Variants in INVS observed in about 807,000 individuals in gnomAD.
The protein encoded by INVS is inversion of embryo turning homolog.
In INVS, 86 loss-of-function variants were observed where a neutral mutation model predicts 108.8. The ratio of observed to expected loss-of-function variants is 0.79; its 90% CI spans 0.66 to 0.95. The LOEUF (loss-of-function observed/expected upper bound fraction) is 0.95, where lower values mean the gene tolerates loss of function less well. INVS is among the 40% of genes least tolerant of loss of function. INVS has a pLI of 0.00. For synonymous variants in INVS, 455 were observed against 473.5 expected, an observed-to-expected ratio of 0.96 and a Z score of 0.51; for missense variants, 1,169 against 1,297.4, an observed-to-expected ratio of 0.90 and a Z score of 1.52.
At chr9:100,175,317 A>G in intron 3 of INVS, 1 of 723,200 alleles carries the variant, frequency 1.4e-6, no homozygotes. Flanking sequence ...GAGATGCCTC[A>G]CACAGAGTCT....
In INVS at chr9:100,227,700, TA is replaced by T. The variant is rs56736083; in HGVS notation, c.447+1479del. On this transcript the variant is annotated intron_variant, in intron 4 of 16. Transcript: ENST00000262457. ...GGATTCTTGTGCTTGTAAGCCTGAT[TA>T]AAAAAAAAAAAAATCACAGACTGTG... Among the ~76,000 whole-genome samples, 841 of 143,678 alleles carry T rather than the reference TA, an allele frequency of 5.9e-3. 3 individuals are homozygous for T. The highest frequency in any genetic ancestry group is 0.017 in the African/African-American group (672 of 39,770). 94.3% of individuals were successfully genotyped at this position (143,678 alleles called of 152,430 possible).
chr9:100,175,190 C>T (rs1221528222), intron 3 of INVS: 1 of 514,132 alleles, frequency 1.9e-6, no homozygotes. Flanking sequence ...GAGTGTGCAT[C>T]CAGCTTGTCC....
chr9:100,148,703 T>C (rs1170654672), intron 3 of INVS, among the ~76,000 whole-genome samples: 1 of 152,236 alleles, frequency 6.6e-6, no homozygotes, highest in East Asian at 1.9e-4. Flanking sequence ...AGCTGTTATT[T>C]AAAGCTACAA....
At chr9:100,256,799 G>T (rs550416229) in intron 10 of INVS, among the ~76,000 whole-genome samples, 1 of 152,146 alleles carries the variant, frequency 6.6e-6, no homozygotes, top group Non-Finnish European at 1.5e-5. Flanking sequence ...TGTAATTTCT[G>T]TTCTTTTACA....
At chr9:100,217,840 A>C (rs1831036427) in intron 3 of INVS, among the ~76,000 whole-genome samples, 1 of 152,152 alleles carries the variant, frequency 6.6e-6, no homozygotes, top group African/African-American at 2.4e-5. Flanking sequence ...TCCCAACACT[A>C]TTGTGGTATT....
intron 12 of INVS, 134 bp from the exon 13 acceptor site, chr9:100,284,186 T>G: frequency 9.9e-7 from 1 of 1,011,942 alleles, no homozygotes; most frequent in South Asian, 1.5e-5. Flanking sequence ...GAGAAAAGAC[T>G]GCTCTTGGAA....
At chr9:100,125,026 T>C (rs1827841307) in intron 2 of INVS, among the ~76,000 whole-genome samples, 1 of 152,222 alleles carries the variant, frequency 6.6e-6, no homozygotes, top group Non-Finnish European at 1.5e-5. Context: ...AAGGCAATGA[T>C]CTAACTATAG....
chr9:100,300,900 T>G lies in INVS; in HGVS notation c.*226T>G. On this transcript the variant is annotated 3_prime_UTR_variant, in exon 17 of 17. Transcript: ENST00000262457. ...ACAGCCTGCACTGAAAGGACCTGCATAGACTATGTCTGTGCAAAGTGCCTG... is the reference window on the plus strand; with the variant it reads ...ACAGCCTGCACTGAAAGGACCTGCAGAGACTATGTCTGTGCAAAGTGCCTG... The G allele has an allele frequency of 1.7e-6, 1 of 575,754 alleles. No individual in the cohort carries two copies. The highest frequency in any genetic ancestry group is 3.1e-6 in the Non-Finnish European group (1 of 321,736). 35.7% of individuals were successfully genotyped at this position (575,754 alleles called of 1,614,324 possible). A position where few individuals can be genotyped will look rare whatever the true frequency, so the allele number is the denominator to read the frequency against.
intron 3 of INVS, among the ~76,000 whole-genome samples, chr9:100,167,095 G>A (rs1399501346): frequency 6.6e-6 from 1 of 152,038 alleles, no homozygotes; most frequent in African/African-American, 2.4e-5. Flanking sequence ...CCCAGATACG[G>A]TGGTGTGTGC....
chr9:100,179,805 T>G (rs538397525), intron 3 of INVS, among the ~76,000 whole-genome samples: 1 of 152,188 alleles, frequency 6.6e-6, no homozygotes, highest in Non-Finnish European at 1.5e-5. Context: ...AATAAACATC[T>G]ACAGAACTCT....
At chr9:100,249,231 C>G (rs1265317542) in intron 8 of INVS, among the ~76,000 whole-genome samples, 1 of 152,108 alleles carries the variant, frequency 6.6e-6, no homozygotes, top group Non-Finnish European at 1.5e-5. Flanking sequence ...TGTCTATTCC[C>G]TCAGCTAAGT....
chr9:100,123,730 A>G (rs1827796014), intron 2 of INVS, among the ~76,000 whole-genome samples: 1 of 152,232 alleles, frequency 6.6e-6, no homozygotes, highest in Non-Finnish European at 1.5e-5. Context: ...CCAGTAGTAT[A>G]TGAGGATTTT....
At chr9:100,267,763 T>C (rs1425371699) in intron 11 of INVS, among the ~76,000 whole-genome samples, 1 of 152,246 alleles carries the variant, frequency 6.6e-6, no homozygotes, top group African/African-American at 2.4e-5. Context: ...TTGTTTTAAA[T>C]ACTGGGTATA....
intron 10 of INVS, among the ~76,000 whole-genome samples, chr9:100,263,482 G>T (rs1359336543): frequency 1.3e-5 from 2 of 152,068 alleles, no homozygotes; most frequent in Non-Finnish European, 2.9e-5. Context: ...AGCCACATTG[G>T]CTGGTTGAGC....
intron 5 of INVS, among the ~76,000 whole-genome samples, chr9:100,231,184 A>T (rs770355698): frequency 3.9e-5 from 6 of 152,152 alleles, no homozygotes; most frequent in Non-Finnish European, 7.3e-5. Context: ...ATAGTTAGTC[A>T]TATTTGTTTT....
chr9:100,132,552 T>G (rs962846608), intron 3 of INVS, among the ~76,000 whole-genome samples: 5 of 152,168 alleles, frequency 3.3e-5, no homozygotes, highest in African/African-American at 1.2e-4. Flanking sequence ...AAATTTATTC[T>G]CAAGGACTAC....
At chr9:100,265,462 C>G (rs1832761477) in intron 11 of INVS, among the ~76,000 whole-genome samples, 2 of 152,148 alleles carry the variant, frequency 1.3e-5, no homozygotes, top group South Asian at 4.1e-4. Flanking sequence ...CATCTATTGC[C>G]TAGGGCAAGC....
intron 3 of INVS, among the ~76,000 whole-genome samples, chr9:100,193,302 T>C (rs922024765): frequency 5.3e-5 from 8 of 152,200 alleles, no homozygotes; most frequent in African/African-American, 1.9e-4. Flanking sequence ...TGATTGATTT[T>C]TTAAATCTCT....
chr9:100,126,643 C>T (rs1827893090), intron 3 of INVS, 94 bp downstream of exon 3: 1 of 1,186,642 alleles, frequency 8.4e-7, no homozygotes, highest in Non-Finnish European at 1.3e-6. Flanking sequence ...ATAAAGAAGT[C>T]TCAAATGCAT....
Sources: allele counts gnomAD v4.1 joint callset (sites outside exome capture counted in the v4.1 genomes callset), GRCh38; gene constraint gnomAD v4.1.1; transcripts MANE v1.5; gene names NCBI Gene and HGNC (gene_info 2026-07-23, HGNC 2026-07-21).